Variants in SHANK2 observed in about 807,000 individuals in gnomAD.
SHANK2 encodes the protein SH3 and multiple ankyrin repeat domains protein 2.
SHANK2 carries 43 observed loss-of-function variants against 133.7 expected under a neutral mutation model. The ratio of observed to expected loss-of-function variants is 0.32; its 90% CI spans 0.25 to 0.41. The LOEUF is 0.41. Among genes scored for constraint, SHANK2 ranks in the 10% least tolerant of loss-of-function variants. The pLI is 1.00. For synonymous variants in SHANK2, 1,017 were observed against 952.8 expected (o/e 1.07, Z -1.24); for missense variants, 1,994 against 2,235.8 (o/e 0.89, Z 2.18).
intron 2 of SHANK2, among the ~76,000 whole-genome samples, chr11:71,210,231 TA>T (rs1565516670): frequency 2.0e-4 from 14 of 70,064 alleles, no homozygotes; most frequent in African/African-American, 2.9e-4. Flanking sequence ...TATATATATA[TA>T]TATATATATA....
intron 10 of SHANK2, among the ~76,000 whole-genome samples, chr11:70,897,277 A>G (rs1175738833): frequency 6.6e-6 from 1 of 152,216 alleles, no homozygotes; most frequent in East Asian, 1.9e-4. Context: ...GTGCCTCAGA[A>G]GGAGAGACCT....
intron 17 of SHANK2, among the ~76,000 whole-genome samples, chr11:70,658,230 CACACACACACACACAG>C (rs879959311): frequency 0.049 from 6,082 of 123,526 alleles, 124 homozygotes; most frequent in East Asian, 0.073. Flanking sequence ...CACACACACA[CACACACACACACACAG>C]ACACACACAC....
Position 70,555,239 on chromosome 11 carries a change from T to C in SHANK2, c.2062-52308A>G, listed in dbSNP as rs532436736. On this transcript the variant is annotated intron_variant, in intron 17 of 25. Transcript: ENST00000601538. ...CCTTACTCCCTGAGACACAACACTA[T>C]TGAAATGGGGCCAGTTAAGAACTCT... Among the ~76,000 whole-genome samples the C allele has an allele frequency of 1.1e-3, 164 of 152,300 alleles. 2 individuals are homozygous for C. The highest frequency in any genetic ancestry group is 4.3e-4 in the Non-Finnish European group (29 of 68,026).
intron 15 of SHANK2, among the ~76,000 whole-genome samples, chr11:70,692,465 C>T (rs1003069686): frequency 1.3e-5 from 2 of 152,226 alleles, no homozygotes; most frequent in Admixed American, 6.5e-5. Flanking sequence ...AGGCGAGCTA[C>T]CCAAGGTTGC....
rs79023093 is a variant in SHANK2, at chr11:70,873,238, G to T, written c.1174+23263C>A. 1.7e-3 allele frequency: 720 copies of T among 418,368 alleles called. 2 individuals are homozygous for T. The highest frequency in any genetic ancestry group is 0.014 in the African/African-American group (666 of 48,514). 25.9% of individuals were successfully genotyped at this position (418,368 alleles called of 1,614,324 possible). On this transcript the variant is annotated intron_variant, in intron 11 of 25. Coordinates refer to ENST00000601538, the MANE Select transcript of SHANK2 (RefSeq NM_012309.5). ...TGAGTTTTGCCTTTCAAATGCATTT[G>T]ATACAATTTGCTTGGAAGGCATTAA...
At chr11:70,483,042 G>A (rs1286982756) in intron 25 of SHANK2, among the ~76,000 whole-genome samples, 1 of 152,184 alleles carries the variant, frequency 6.6e-6, no homozygotes, top group African/African-American at 2.4e-5. Flanking sequence ...AGCACAGCTT[G>A]GTGCAGGATG....
At chr11:70,491,481 A>G (rs1293320069) in intron 22 of SHANK2, among the ~76,000 whole-genome samples, 3 of 152,230 alleles carry the variant, frequency 2.0e-5, no homozygotes, top group African/African-American at 7.2e-5. Context: ...GTGAGGGCAG[A>G]TATTGTAACT....
chr11:70,849,841 C>A (rs369956386), intron 11 of SHANK2, among the ~76,000 whole-genome samples: 3 of 152,092 alleles, frequency 2.0e-5, no homozygotes, highest in East Asian at 3.8e-4. Context: ...TTACTCATGG[C>A]AAAATACATA....
At chr11:70,697,452 C>T (rs1207317264) in intron 15 of SHANK2, among the ~76,000 whole-genome samples, 3 of 152,140 alleles carry the variant, frequency 2.0e-5, no homozygotes, top group African/African-American at 7.2e-5. Flanking sequence ...GCAGAGCCCA[C>T]AGACAGAAGC....
At position 71,110,024 on chromosome 11, in the gene SHANK2, T is replaced by C. The variant is rs1951868394; in HGVS notation, c.509A>G (p.His170Arg). 6.4e-7 allele frequency: 1 copy of C among 1,551,244 alleles called. No individual in the cohort carries two copies. Residue 170 changes from histidine to arginine, a missense_variant, in exon 6 of 26, where the codon CAC becomes CGC. Around this residue, in one of 5 missense-constraint regions of SHANK2, gnomAD observed 653 missense variants for 563.4 expected, o/e 1.16. Coordinates refer to ENST00000601538, the MANE Select transcript of SHANK2 (RefSeq NM_012309.5). ...TKTNLKKCMDHIQHRLVEKIT... is the reference protein window; with the variant it reads ...TKTNLKKCMDRIQHRLVEKIT... ...CTTCTCCACCAAGCGATGCTGAATGTGATCCATGCATTTCTTCAGATTGGT... is the reference window on the plus strand; with the variant it reads ...CTTCTCCACCAAGCGATGCTGAATGCGATCCATGCATTTCTTCAGATTGGT...
At chr11:70,757,248 C>T (rs1035668991) in intron 14 of SHANK2, among the ~76,000 whole-genome samples, 2 of 152,242 alleles carry the variant, frequency 1.3e-5, no homozygotes, top group Non-Finnish European at 2.9e-5. Flanking sequence ...CATTTATGAG[C>T]TGGCTGACCT....
chr11:71,133,448 G>A (rs367794807), intron 3 of SHANK2, among the ~76,000 whole-genome samples: 28 of 132,590 alleles, frequency 2.1e-4, no homozygotes, highest in African/African-American at 7.3e-4. Flanking sequence ...AGGGACGGAC[G>A]GACAGACGGA....
chr11:70,692,747 G>GA (rs782408287), intron 15 of SHANK2, among the ~76,000 whole-genome samples: 22 of 152,166 alleles, frequency 1.4e-4, no homozygotes, highest in Non-Finnish European at 1.8e-4. Flanking sequence ...TACTGATTTA[G>GA]AAAAGATAAA....
chr11:70,763,687 G>A (rs578242036), intron 14 of SHANK2, among the ~76,000 whole-genome samples: 68 of 152,296 alleles, frequency 4.5e-4, no homozygotes, highest in Middle Eastern at 3.4e-3. Flanking sequence ...ATGGATGCCC[G>A]ATGCATAATG....
At chr11:70,855,407 C>T (rs1949153816) in intron 11 of SHANK2, among the ~76,000 whole-genome samples, 1 of 152,206 alleles carries the variant, frequency 6.6e-6, no homozygotes. Flanking sequence ...CTCCTCTTTG[C>T]TCCCCCAACC....
At chr11:71,238,114 C>A (rs541535142) in intron 1 of SHANK2, among the ~76,000 whole-genome samples, 1 of 152,320 alleles carries the variant, frequency 6.6e-6, no homozygotes, top group South Asian at 2.1e-4. Flanking sequence ...CTGCTGGGCA[C>A]CCCATCATCC....
At chr11:70,555,198 C>G (rs1409902470) in intron 17 of SHANK2, among the ~76,000 whole-genome samples, 1 of 152,188 alleles carries the variant, frequency 6.6e-6, no homozygotes, top group Non-Finnish European at 1.5e-5. Flanking sequence ...CCATCTCTCT[C>G]CCTCTGTGCA....
intron 2 of SHANK2, among the ~76,000 whole-genome samples, chr11:71,155,653 C>T (rs1952893946): frequency 9.6e-6 from 1 of 104,094 alleles, no homozygotes; most frequent in Non-Finnish European, 1.9e-5. Context: ...TAGAAGCTGT[C>T]CCCCAAACCC....
At chr11:71,240,849 T>C (rs1225396816) in intron 1 of SHANK2, 2 of 152,234 alleles carry the variant, frequency 1.3e-5, no homozygotes, top group Non-Finnish European at 2.9e-5. Context: ...GGTGAGAGGA[T>C]TGCTTGAGCC....
Sources: gnomAD v4.1 joint callset for allele counts (sites outside exome capture counted in the v4.1 genomes callset) on GRCh38, gnomAD v4.1.1 for gene constraint, gnomAD v4.1.1 regional missense constraint, MANE v1.5 for transcripts, NCBI Gene and HGNC (gene_info 2026-07-23, HGNC 2026-07-21) for gene names.